NCK2: variants seen among roughly 807,000 people sequenced by gnomAD.
NCK2 encodes NCK adaptor protein 2.
A neutral mutation model predicts 33.9 loss-of-function variants in NCK2; 16 were observed. The observed-to-expected ratio is 0.47, with a 90% CI of 0.32 to 0.72. NCK2 has a LOEUF of 0.72. Among genes scored for constraint, NCK2 ranks in the 30% least tolerant of loss-of-function variants. The pLI is 0.03. For missense variants in NCK2, 418 were observed against 537.3 expected (o/e 0.78, Z 2.19); for synonymous variants, 273 against 239.9 (o/e 1.14, Z -1.27).
At chr2:105,835,402 T>TATATATATACAC (rs1278239028) in intron 2 of NCK2, among the ~76,000 whole-genome samples, 11 of 73,106 alleles carry the variant, frequency 1.5e-4, no homozygotes, top group South Asian at 5.8e-4. Context: ...TATATATATA[T>TATATATATACAC]ATACGTGTAT....
rs757598660 is a variant in NCK2 at position 105,891,532 on chromosome 2, ATTTTTTTTTTTTTTTT to A, written c.949-1429_949-1414del. Reference sequence around the variant, plus strand: ...TTTCAGCAAATGAGATAAAAGACCAATTTTTTTTTTTTTTTTTTTTTTTTTTTTTTTTTTTTGAGAT... The same window carrying A: ...TTTCAGCAAATGAGATAAAAGACCAATTTTTTTTTTTTTTTTTTTTGAGAT... On this transcript the variant is annotated intron_variant, in intron 4 of 4. Transcript: ENST00000233154. Among the ~76,000 whole-genome samples, 273 of 81,348 alleles carry A rather than the reference ATTTTTTTTTTTTTTTT, an allele frequency of 3.4e-3. 4 individuals are homozygous for A. The highest frequency in any genetic ancestry group is 0.029 in the East Asian group (79 of 2,738). 53.4% of individuals were successfully genotyped at this position (81,348 alleles called of 152,430 possible).
At chr2:105,851,835 TTGG>T (rs1455151558) in intron 2 of NCK2, 1 of 152,220 alleles carries the variant, frequency 6.6e-6, no homozygotes, top group Non-Finnish European at 1.5e-5. Flanking sequence ...TGGTGGTGAA[TTGG>T]TGGGCGTCAG....
At chr2:105,842,722 G>A (rs963322358) in intron 2 of NCK2, among the ~76,000 whole-genome samples, 4 of 152,218 alleles carry the variant, frequency 2.6e-5, no homozygotes, top group African/African-American at 4.8e-5. Context: ...AGTACTCACA[G>A]CAAAGACTGC....
intron 3 of NCK2, among the ~76,000 whole-genome samples, chr2:105,860,309 A>G (rs1273298916): frequency 6.6e-6 from 1 of 152,130 alleles, no homozygotes; most frequent in Non-Finnish European, 1.5e-5. Flanking sequence ...TAAAAAAACA[A>G]AAACAACCAT....
At chr2:105,765,428 C>T (rs1260272804) in intron 1 of NCK2, among the ~76,000 whole-genome samples, 1 of 152,188 alleles carries the variant, frequency 6.6e-6, no homozygotes, top group Non-Finnish European at 1.5e-5. Flanking sequence ...ATCCTGAGGC[C>T]GGCCCCACGG....
Position 105,803,619 on chromosome 2 carries a change from GC to G in NCK2, c.-200-12807del, listed in dbSNP as rs201532464. Among the ~76,000 whole-genome samples, 1,304 of 152,292 alleles carry G rather than the reference GC, an allele frequency of 8.6e-3. 25 individuals are homozygous for G. Among genetic ancestry groups the G allele is most frequent in the African/African-American group, 0.03 (1,233 of 41,564 alleles). On this transcript the variant is annotated intron_variant, in intron 1 of 4. Transcript: ENST00000233154. ...ATCCAGTTTCAAAGCAAGTCCTCAT[GC>G]CCCTGCATCATGTGCAGAGACATTG...
intron 1 of NCK2, among the ~76,000 whole-genome samples, chr2:105,796,944 C>A (rs1691100025): frequency 6.6e-6 from 1 of 152,142 alleles, no homozygotes; most frequent in African/African-American, 2.4e-5. Context: ...AGTGTCAGCA[C>A]TTATCTGTGG....
rs987265315 is a variant in NCK2 at position 105,754,680 on chromosome 2, T to C, written c.-201+9542T>C. ...TAAGAAAGCAGCTCCCCCAACAACT[T>C]TTTTTTTTTTTTTTTAAACTGCTCT... On this transcript the variant is annotated intron_variant, in intron 1 of 4. Transcript: ENST00000233154. Among the ~76,000 whole-genome samples the C allele has an allele frequency of 8.6e-4, 119 of 137,684 alleles. 1 individual carries two copies. The highest frequency in any genetic ancestry group is 2.7e-3 in the African/African-American group (102 of 38,044). 90.3% of individuals were successfully genotyped at this position (137,684 alleles called of 152,430 possible).
intron 4 of NCK2, among the ~76,000 whole-genome samples, chr2:105,891,146 G>A (rs191987131): frequency 1.3e-3 from 198 of 152,298 alleles, no homozygotes; most frequent in Non-Finnish European, 2.4e-3. Context: ...GAACTCACAC[G>A]CTACGCATAC....
At chr2:105,810,666 A>G (rs1319865581) in intron 1 of NCK2, among the ~76,000 whole-genome samples, 1 of 152,238 alleles carries the variant, frequency 6.6e-6, no homozygotes, top group Non-Finnish European at 1.5e-5. Flanking sequence ...TACAAAGACA[A>G]GTAGCAGTTT....
chr2:105,819,099 C>T (rs986072514), intron 2 of NCK2, among the ~76,000 whole-genome samples: 1 of 152,136 alleles, frequency 6.6e-6, no homozygotes, highest in African/African-American at 2.4e-5. Flanking sequence ...CCAGAGCTAG[C>T]TCCTGGTCGG....
intron 1 of NCK2, among the ~76,000 whole-genome samples, chr2:105,768,904 T>A (rs1451105759): frequency 6.6e-6 from 1 of 152,186 alleles, no homozygotes; most frequent in East Asian, 1.9e-4. Context: ...AATGAGTTCA[T>A]GACGTGGAGG....
At position 105,760,048 on chromosome 2, in the gene NCK2, CTT is replaced by C. The variant is rs375129659; in HGVS notation, c.-201+14913_-201+14914del. Reference sequence around the variant, plus strand: ...CAAGTGACTCCACTGTCAAGTGACTCTTTTCCCTTCTTTCCATACTGCTGCAG... The same window carrying C: ...CAAGTGACTCCACTGTCAAGTGACTCTTCCCTTCTTTCCATACTGCTGCAG... On this transcript the variant is annotated intron_variant, in intron 1 of 4. Transcript: ENST00000233154. Among the ~76,000 whole-genome samples, 969 of 152,322 alleles carry C rather than the reference CTT, an allele frequency of 6.4e-3. 9 individuals carry two copies. The highest frequency in any genetic ancestry group is 0.016 in the South Asian group (78 of 4,824).
chr2:105,884,683 T>C (rs1452613645), intron 4 of NCK2, among the ~76,000 whole-genome samples: 1 of 152,222 alleles, frequency 6.6e-6, no homozygotes, highest in African/African-American at 2.4e-5. Context: ...GTGCTGGGTA[T>C]TTCAGAAGTA....
intron 1 of NCK2, among the ~76,000 whole-genome samples, chr2:105,782,904 A>C (rs1244245048): frequency 6.6e-6 from 1 of 152,204 alleles, no homozygotes; most frequent in African/African-American, 2.4e-5. Context: ...CAGTTACTCC[A>C]GACACTTGTG....
chr2:105,752,343 C>T (rs1398925807), intron 1 of NCK2, among the ~76,000 whole-genome samples: 1 of 152,192 alleles, frequency 6.6e-6, no homozygotes, highest in Non-Finnish European at 1.5e-5. Flanking sequence ...ATCCTTCAGA[C>T]ACTCAGCACA....
At chr2:105,860,193 G>A (rs979264717) in intron 3 of NCK2, among the ~76,000 whole-genome samples, 2 of 152,168 alleles carry the variant, frequency 1.3e-5, no homozygotes, top group Non-Finnish European at 2.9e-5. Context: ...GGCTCAGTTG[G>A]GAGGACTGCT....
At chr2:105,762,367 G>T (rs1042423097) in intron 1 of NCK2, among the ~76,000 whole-genome samples, 2 of 152,166 alleles carry the variant, frequency 1.3e-5, no homozygotes, top group Non-Finnish European at 2.9e-5. Flanking sequence ...GGCATTCCTG[G>T]GATTCACAGC....
chr2:105,788,075 G>A (rs979467349), intron 1 of NCK2, among the ~76,000 whole-genome samples: 21 of 152,184 alleles, frequency 1.4e-4, no homozygotes, highest in Non-Finnish European at 5.9e-5. Flanking sequence ...AAGTGAGGGT[G>A]CTAGCTTTGA....
Sources: gnomAD v4.1 joint callset for allele counts (sites outside exome capture counted in the v4.1 genomes callset) on GRCh38, gnomAD v4.1.1 for gene constraint, MANE v1.5 for transcripts, NCBI Gene and HGNC (gene_info 2026-07-23, HGNC 2026-07-21) for gene names.